The following TENM2 variants were observed in gnomAD, a reference collection of about 807,000 sequenced individuals.
TENM2 encodes the protein teneurin transmembrane protein 2, also known as teneurin-2.
A neutral mutation model predicts 245.2 loss-of-function variants in TENM2; 52 were observed. The ratio of observed to expected loss-of-function variants is 0.21; its 90% CI spans 0.17 to 0.27. The LOEUF is 0.27. TENM2 is among the 10% of genes least tolerant of loss of function. The pLI is 1.00. For missense variants in TENM2, 3,046 were observed against 3,666.8 expected (o/e 0.83, Z 4.37); for synonymous variants, 1,363 against 1,438.9 (o/e 0.95, Z 1.19).
chr5:167,339,935 T>C (rs1757997481), intron 1 of TENM2, among the ~76,000 whole-genome samples: 1 of 152,172 alleles, frequency 6.6e-6, no homozygotes, highest in African/African-American at 2.4e-5. Flanking sequence ...CGACAACATA[T>C]AGAACTATGA....
intron 2 of TENM2, among the ~76,000 whole-genome samples, chr5:167,501,428 G>A (rs1317876323): frequency 6.6e-6 from 1 of 152,132 alleles, no homozygotes; most frequent in African/African-American, 2.4e-5. Flanking sequence ...CACCCAACAA[G>A]ACACATATTT....
At chr5:167,610,953 C>G (rs1310569981) in intron 2 of TENM2, among the ~76,000 whole-genome samples, 1 of 152,152 alleles carries the variant, frequency 6.6e-6, no homozygotes, top group Non-Finnish European at 1.5e-5. Flanking sequence ...CATACTTTCT[C>G]TGTGTCCAGC....
chr5:167,375,236 C>T, exon 2 of TENM2: 2 of 1,551,690 alleles, frequency 1.3e-6, no homozygotes, highest in Non-Finnish European at 1.7e-6. Context: ...CATCTGTGAG[C>T]CCTCCCCACA....
the TENM2 span, among the ~76,000 whole-genome samples, chr5:167,073,749 T>C: frequency 1.3e-5 from 2 of 152,232 alleles, no homozygotes; most frequent in African/African-American, 4.8e-5. Flanking sequence ...CATCACATCC[T>C]AGAGTGCAAA....
At chr5:167,826,309 G>C (rs906807750) in intron 2 of TENM2, among the ~76,000 whole-genome samples, 1 of 152,184 alleles carries the variant, frequency 6.6e-6, no homozygotes, top group Non-Finnish European at 1.5e-5. Context: ...TCCCTGCCAG[G>C]TTCCCTGCTG....
intron 1 of TENM2, among the ~76,000 whole-genome samples, chr5:167,316,132 GATTTGCTT>G (rs1756350582): frequency 6.6e-6 from 1 of 152,094 alleles, no homozygotes; most frequent in Admixed American, 6.6e-5. Context: ...CTTGATCTAA[GATTTGCTT>G]ATTTGCTTAT....
chr5:168,141,460 C>A (rs1380664873), intron 12 of TENM2, among the ~76,000 whole-genome samples: 1 of 152,208 alleles, frequency 6.6e-6, no homozygotes, highest in Admixed American at 6.5e-5. Context: ...GCTGACATAT[C>A]TACCAGCTTC....
At chr5:167,315,011 T>C (rs769659992) in intron 1 of TENM2, among the ~76,000 whole-genome samples, 13 of 152,104 alleles carry the variant, frequency 8.5e-5, no homozygotes, top group Non-Finnish European at 1.5e-4. Context: ...TGAGTTGATA[T>C]GCTACATTTT....
intron 14 of TENM2, among the ~76,000 whole-genome samples, chr5:168,193,389 C>T (rs1295573799): frequency 1.3e-5 from 2 of 152,202 alleles, no homozygotes; most frequent in Non-Finnish European, 2.9e-5. Flanking sequence ...GACTCCACCA[C>T]TATAATTTAT....
At chr5:167,252,669 A>G in the TENM2 span, among the ~76,000 whole-genome samples, 10 of 152,090 alleles carry the variant, frequency 6.6e-5, no homozygotes, top group African/African-American at 2.2e-4. Context: ...AGACTATGAC[A>G]TGGAATCTAG....
intron 1 of TENM2, among the ~76,000 whole-genome samples, chr5:167,316,819 A>G (rs1460333048): frequency 6.6e-6 from 1 of 152,208 alleles, no homozygotes; most frequent in Non-Finnish European, 1.5e-5. Flanking sequence ...ATTTAAATTG[A>G]TAATTACAGT....
the TENM2 span, among the ~76,000 whole-genome samples, chr5:167,217,741 A>G: frequency 6.7e-6 from 1 of 148,428 alleles, no homozygotes; most frequent in African/African-American, 2.5e-5. Context: ...TATATAATAT[A>G]TGTGATATGT....
the TENM2 span, among the ~76,000 whole-genome samples, chr5:166,988,234 C>G: frequency 2.0e-5 from 3 of 152,152 alleles, no homozygotes; most frequent in African/African-American, 7.2e-5. Context: ...TCCAGTAAAT[C>G]ATAGCTAAGC....
intron 1 of TENM2, among the ~76,000 whole-genome samples, chr5:167,354,779 A>G (rs1030925633): frequency 2.0e-5 from 3 of 152,202 alleles, no homozygotes; most frequent in Non-Finnish European, 4.4e-5. Flanking sequence ...TAAAGTGTTT[A>G]TAAGTCTGAC....
At chr5:168,181,026 G>T (rs1015800164) in intron 13 of TENM2, among the ~76,000 whole-genome samples, 1 of 152,220 alleles carries the variant, frequency 6.6e-6, no homozygotes, top group Non-Finnish European at 1.5e-5. Flanking sequence ...CTTCAGCAAC[G>T]CTGGTTTAAA....
chr5:167,593,271 G>A (rs1056866590), intron 2 of TENM2, among the ~76,000 whole-genome samples: 7 of 152,158 alleles, frequency 4.6e-5, no homozygotes, highest in South Asian at 2.1e-4. Flanking sequence ...ATCGAATCAC[G>A]AAGAATATTT....
At chr5:167,801,388 A>G (rs1282088630) in intron 2 of TENM2, among the ~76,000 whole-genome samples, 1 of 151,960 alleles carries the variant, frequency 6.6e-6, no homozygotes, top group Non-Finnish European at 1.5e-5. Flanking sequence ...ACAGAGATAT[A>G]TCATACCTGT....
the TENM2 span, among the ~76,000 whole-genome samples, chr5:167,181,800 A>G: frequency 1.5e-3 from 223 of 152,316 alleles, 1 homozygote; most frequent in Middle Eastern, 0.01. Flanking sequence ...CACATTAAGA[A>G]TACCAAATTG....
chr5:168,156,258 A>AAAAAAAAC (rs1757165312), intron 12 of TENM2, among the ~76,000 whole-genome samples: 1 of 150,666 alleles, frequency 6.6e-6, no homozygotes, highest in Non-Finnish European at 1.5e-5. Flanking sequence ...AAAAAAAAAA[A>AAAAAAAAC]AAAAAAAACA....
Sources: gnomAD v4.1 joint callset for allele counts (sites outside exome capture counted in the v4.1 genomes callset) on GRCh38, gnomAD v4.1.1 for gene constraint, MANE v1.5 for transcripts, NCBI Gene and HGNC (gene_info 2026-07-23, HGNC 2026-07-21) for gene names.